The following SRPK2 variants were observed in gnomAD, a reference collection of about 807,000 sequenced individuals.
SRPK2 encodes the protein SFRS protein kinase 2.
SRPK2 carries 21 observed loss-of-function variants against 90.8 expected under a neutral mutation model. The ratio of observed to expected loss-of-function variants is 0.23; its 90% CI spans 0.16 to 0.33. SRPK2 has a LOEUF of 0.33. Among genes scored for constraint, SRPK2 ranks in the 10% least tolerant of loss-of-function variants. The pLI is 1.00. For missense variants in SRPK2, 620 were observed against 869.0 expected, an observed-to-expected ratio of 0.71 and a Z score of 3.60; for synonymous variants, 288 against 311.1, an observed-to-expected ratio of 0.93 and a Z score of 0.78.
intron 2 of SRPK2, among the ~76,000 whole-genome samples, chr7:105,323,084 A>C (rs1398473559): frequency 6.6e-6 from 1 of 152,112 alleles, no homozygotes; most frequent in African/African-American, 2.4e-5. Flanking sequence ...CTGTAATCCC[A>C]GCTACTCGGG....
intron 3 of SRPK2, among the ~76,000 whole-genome samples, chr7:105,178,306 G>A (rs937674538): frequency 6.6e-6 from 1 of 152,004 alleles, no homozygotes; most frequent in Non-Finnish European, 1.5e-5. Context: ...CAATAATGAA[G>A]CCTCTGGCAC....
intron 2 of SRPK2, among the ~76,000 whole-genome samples, chr7:105,355,451 C>A (rs911149503): frequency 1.3e-5 from 2 of 151,956 alleles, no homozygotes; most frequent in African/African-American, 4.8e-5. Flanking sequence ...TTGAAACCAG[C>A]CTGGGCAACA....
chr7:105,191,397 C>T (rs1160943711), intron 3 of SRPK2, among the ~76,000 whole-genome samples: 1 of 152,048 alleles, frequency 6.6e-6, no homozygotes, highest in Non-Finnish European at 1.5e-5. Flanking sequence ...ATAGTGAATC[C>T]TGTCTCTACA....
intron 2 of SRPK2, among the ~76,000 whole-genome samples, chr7:105,224,302 G>A (rs531311305): frequency 6.6e-6 from 1 of 152,206 alleles, no homozygotes; most frequent in East Asian, 1.9e-4. Flanking sequence ...TTCAGAATCT[G>A]TAACCTTTAC....
chr7:105,303,659 A>C (rs998979103), intron 2 of SRPK2, among the ~76,000 whole-genome samples: 4 of 152,108 alleles, frequency 2.6e-5, no homozygotes, highest in East Asian at 1.9e-4. Context: ...CTGAAAAAAA[A>C]CCCAGAAAAC....
chr7:105,347,663 G>A (rs1816629071), intron 2 of SRPK2, among the ~76,000 whole-genome samples: 1 of 151,798 alleles, frequency 6.6e-6, no homozygotes, highest in Admixed American at 6.6e-5. Flanking sequence ...AGACTTGCCT[G>A]GGCAGCCTGG....
At chr7:105,255,353 A>T (rs1803123109) in intron 2 of SRPK2, among the ~76,000 whole-genome samples, 2 of 151,856 alleles carry the variant, frequency 1.3e-5, no homozygotes, top group Admixed American at 1.3e-4. Context: ...CCTCCATCAT[A>T]ACCTTCTACT....
At chr7:105,380,817 C>A (rs954829826) in intron 2 of SRPK2, among the ~76,000 whole-genome samples, 1 of 151,796 alleles carries the variant, frequency 6.6e-6, no homozygotes, top group Non-Finnish European at 1.5e-5. Context: ...CTACCACGCC[C>A]AGCTGCTAAA....
intron 2 of SRPK2, among the ~76,000 whole-genome samples, chr7:105,243,473 A>G (rs1156746146): frequency 6.6e-6 from 1 of 152,070 alleles, no homozygotes; most frequent in African/African-American, 2.4e-5. Context: ...GGAGTTCAAG[A>G]CTAGTCTGGC....
rs12112114 is a variant in SRPK2 at position 105,383,650 on chromosome 7, C to G, written c.71+4998G>C. On this transcript the variant is annotated intron_variant, in intron 2 of 15. Coordinates refer to ENST00000393651, the MANE Select transcript of SRPK2 (RefSeq NM_182692.3). ...GGCCAGGCTGGTCTCGAACTATTGA[C>G]CTCGTGATCCGCCCACCTCATCCTC... 2.3e-3 allele frequency among the ~76,000 whole-genome samples: 354 copies of G among 152,016 alleles called. 11 individuals are homozygous for G. Among genetic ancestry groups the G allele is most frequent in the Non-Finnish European group, 4.3e-4 (29 of 68,020 alleles).
rs1029385862 is a variant in SRPK2, at chr7:105,117,755, C to G, written c.*83G>C. ...AGGATGAAGCCAGCTCACTTGTAAT[C>G]CTGTTAAAGAATGAGAGTCACCGTT... On this transcript the variant is annotated 3_prime_UTR_variant, in exon 16 of 16. Coordinates refer to ENST00000393651, the MANE Select transcript of SRPK2 (RefSeq NM_182692.3). 5 of 1,443,576 alleles carry G rather than the reference C, an allele frequency of 3.5e-6. No individual in the cohort carries two copies. The highest frequency in any genetic ancestry group is 4.8e-6 in the Non-Finnish European group (5 of 1,042,312). 89.4% of individuals were successfully genotyped at this position (1,443,576 alleles called of 1,614,324 possible).
At chr7:105,357,135 C>T (rs1817868102) in intron 2 of SRPK2, among the ~76,000 whole-genome samples, 1 of 151,686 alleles carries the variant, frequency 6.6e-6, no homozygotes, top group South Asian at 2.1e-4. Flanking sequence ...CTCCCAGGTT[C>T]ATGCCATTCT....
At chr7:105,141,351 T>C (rs927821383) in intron 11 of SRPK2, among the ~76,000 whole-genome samples, 5 of 152,200 alleles carry the variant, frequency 3.3e-5, no homozygotes, top group Admixed American at 6.5e-5. Flanking sequence ...TAAGCCAGTA[T>C]GGAAACCAGC....
intron 3 of SRPK2, among the ~76,000 whole-genome samples, chr7:105,192,061 T>C (rs1484098725): frequency 6.6e-6 from 1 of 151,696 alleles, no homozygotes; most frequent in East Asian, 1.9e-4. Context: ...TTTTTTTTTT[T>C]TTTTTAATTT....
At chr7:105,324,971 T>C (rs1164309023) in intron 2 of SRPK2, among the ~76,000 whole-genome samples, 1 of 152,218 alleles carries the variant, frequency 6.6e-6, no homozygotes, top group African/African-American at 2.4e-5. Context: ...ACCATGCTAA[T>C]TGCAGAAGGT....
chr7:105,227,351 C>T (rs1353976073), intron 2 of SRPK2, among the ~76,000 whole-genome samples: 1 of 152,092 alleles, frequency 6.6e-6, no homozygotes, highest in Non-Finnish European at 1.5e-5. Context: ...CACTCTTCCC[C>T]TAAGTCCCCA....
chr7:105,265,130 C>A (rs1230011207), intron 2 of SRPK2, among the ~76,000 whole-genome samples: 3 of 152,272 alleles, frequency 2.0e-5, no homozygotes, highest in Middle Eastern at 3.4e-3. Flanking sequence ...CCCTCTCTTT[C>A]TCTTCACCTA....
intron 3 of SRPK2, among the ~76,000 whole-genome samples, chr7:105,190,465 C>T (rs956677693): frequency 1.3e-5 from 2 of 152,162 alleles, no homozygotes; most frequent in African/African-American, 4.8e-5. Context: ...AAAGGCTTGT[C>T]ATTGAACAGC....
intron 2 of SRPK2, among the ~76,000 whole-genome samples, chr7:105,224,587 C>T (rs915955654): frequency 1.3e-5 from 2 of 152,060 alleles, no homozygotes; most frequent in Admixed American, 1.3e-4. Flanking sequence ...CCAGCCTGGG[C>T]AACAAGAGCA....
Sources: gnomAD v4.1 joint callset for allele counts (sites outside exome capture counted in the v4.1 genomes callset) on GRCh38, gnomAD v4.1.1 for gene constraint, MANE v1.5 for transcripts, NCBI Gene and HGNC (gene_info 2026-07-23, HGNC 2026-07-21) for gene names.